The following IQGAP1 variants were observed in gnomAD, a reference collection of about 807,000 sequenced individuals.
IQGAP1 encodes the protein ras GTPase-activating-like protein IQGAP1.
In IQGAP1, 66 loss-of-function variants were observed where a neutral mutation model predicts 215.6. That is an observed-to-expected ratio of 0.31 (90% confidence interval 0.25 to 0.38). The LOEUF (loss-of-function observed/expected upper bound fraction) is 0.38, where lower values mean the gene tolerates loss of function less well. Ranked by LOEUF, IQGAP1 falls within the 10% of genes least tolerant of loss-of-function variation. The probability of loss-of-function intolerance (pLI) is 1.00; values close to 1 mark genes in which losing one functional copy is unlikely to be tolerated. For missense variants in IQGAP1, 1,712 were observed against 1,997.1 expected (o/e 0.86, Z 2.72); for synonymous variants, 772 against 728.7 (o/e 1.06, Z -0.96).
intron 14 of IQGAP1, among the ~76,000 whole-genome samples, chr15:90,455,137 A>T (rs373002301): frequency 5.3e-5 from 8 of 152,302 alleles, no homozygotes; most frequent in African/African-American, 1.9e-4. Flanking sequence ...TGTTCTCAGG[A>T]TGTGTCACTC....
At chr15:90,483,664 T>C in intron 29 of IQGAP1, 71 bp downstream of exon 29, 1 of 1,125,404 alleles carries the variant, frequency 8.9e-7, no homozygotes, top group Non-Finnish European at 1.3e-6. Context: ...AAAAATAAGA[T>C]TAAAAACCAC....
At chr15:90,436,949 T>C (rs930644503) in intron 5 of IQGAP1, among the ~76,000 whole-genome samples, 11 of 152,226 alleles carry the variant, frequency 7.2e-5, no homozygotes, top group African/African-American at 2.7e-4. Flanking sequence ...AAGTCAGTGT[T>C]CCTGGTACTG....
At chr15:90,425,225 G>C (rs961498945) in intron 2 of IQGAP1, among the ~76,000 whole-genome samples, 1 of 152,066 alleles carries the variant, frequency 6.6e-6, no homozygotes, top group Non-Finnish European at 1.5e-5. Context: ...CAGGAGAATT[G>C]CTTGAACCCG....
At chr15:90,398,765 G>T (rs553876422) in intron 2 of IQGAP1, among the ~76,000 whole-genome samples, 1 of 152,136 alleles carries the variant, frequency 6.6e-6, no homozygotes, top group Non-Finnish European at 1.5e-5. Flanking sequence ...CACTTTGGGA[G>T]GCCAAGGCAG....
chr15:90,391,055 G>C, intron 2 of IQGAP1, 182 bp downstream of exon 2: 1 of 512,396 alleles, frequency 2.0e-6, no homozygotes, highest in South Asian at 2.2e-5. Context: ...GGGCAACATA[G>C]TGACACCCCA....
chr15:90,491,301 A>T (rs904804696), intron 33 of IQGAP1, 32 bp from the exon 34 acceptor site: 1 of 1,584,734 alleles, frequency 6.3e-7, no homozygotes, highest in African/African-American at 1.3e-5. Context: ...AGTGTGGTAA[A>T]CTTGCTAAGA....
At chr15:90,443,210 C>G (rs947138291) in intron 8 of IQGAP1, among the ~76,000 whole-genome samples, 184 bp from the exon 9 acceptor site, 11 of 152,200 alleles carry the variant, frequency 7.2e-5, no homozygotes, top group African/African-American at 1.4e-4. Context: ...ATCTTCCCAC[C>G]TTGGCCTTCC....
Position 90,500,438 on chromosome 15 carries a change from T to C in IQGAP1, c.*330T>C. The stretch of plus-strand genomic sequence containing the variant: ...AGTACTATATTGTAAGCTTTGGTGT[T>C]TGTTTAATTAGCAATAGGGATGGTA... On this transcript the variant is annotated 3_prime_UTR_variant, in exon 38 of 38. Transcript: ENST00000268182. 5.0e-6 allele frequency: 1 copy of C among 198,680 alleles called. No individual in the cohort carries two copies. The highest frequency in any genetic ancestry group is 1.0e-5 in the Non-Finnish European group (1 of 95,462). 12.3% of individuals were successfully genotyped at this position (198,680 alleles called of 1,614,324 possible).
chr15:90,442,281 A>C (rs1965461941), intron 8 of IQGAP1, among the ~76,000 whole-genome samples: 1 of 151,994 alleles, frequency 6.6e-6, no homozygotes, highest in Non-Finnish European at 1.5e-5. Context: ...ACATGGCGAA[A>C]TCCCATCTAT....
intron 2 of IQGAP1, among the ~76,000 whole-genome samples, chr15:90,396,933 A>G (rs1040951529): frequency 2.2e-4 from 34 of 152,082 alleles, no homozygotes; most frequent in African/African-American, 7.2e-4. Context: ...GCTCACCACA[A>G]CCTCTGCCTC....
chr15:90,396,273 C>T (rs1262591131), intron 2 of IQGAP1, among the ~76,000 whole-genome samples: 2 of 152,176 alleles, frequency 1.3e-5, no homozygotes, highest in Non-Finnish European at 2.9e-5. Flanking sequence ...TATGTCCAGG[C>T]TGGCACCCTG....
intron 17 of IQGAP1, 126 bp from the exon 18 acceptor site, chr15:90,467,324 C>G (rs1169547487): frequency 2.3e-6 from 2 of 885,544 alleles, no homozygotes; most frequent in African/African-American, 3.5e-5. Context: ...CTCACAGATC[C>G]AAGGAGCAGC....
intron 2 of IQGAP1, among the ~76,000 whole-genome samples, chr15:90,395,250 C>T (rs555512159): frequency 6.6e-6 from 1 of 152,090 alleles, no homozygotes; most frequent in African/African-American, 2.4e-5. Context: ...TAAATTGAAG[C>T]TTATTTTTAT....
chr15:90,499,103 A>G (rs1225491748), intron 37 of IQGAP1, among the ~76,000 whole-genome samples: 6 of 151,974 alleles, frequency 3.9e-5, no homozygotes, highest in Non-Finnish European at 8.8e-5. Flanking sequence ...GGCGTGAGCC[A>G]CCACACCCGG....
chr15:90,443,232 A>G (rs1965477663), intron 8 of IQGAP1, among the ~76,000 whole-genome samples, 162 bp from the exon 9 acceptor site: 1 of 152,162 alleles, frequency 6.6e-6, no homozygotes, highest in Admixed American at 6.5e-5. Context: ...AAGCACTGGG[A>G]TTACAGGCAT....
At chr15:90,408,164 A>G (rs183273458) in intron 2 of IQGAP1, among the ~76,000 whole-genome samples, 152 of 152,280 alleles carry the variant, frequency 1.0e-3, no homozygotes, top group African/African-American at 3.5e-3. Flanking sequence ...CTGGTACCCA[A>G]TGGCACCTCT....
chr15:90,436,314 G>T (rs752890567), intron 5 of IQGAP1, among the ~76,000 whole-genome samples: 2 of 152,090 alleles, frequency 1.3e-5, no homozygotes, highest in South Asian at 2.1e-4. Flanking sequence ...GCTTGCTGGG[G>T]ATACTTTATG....
chr15:90,421,647 A>G (rs147143107), intron 2 of IQGAP1, among the ~76,000 whole-genome samples: 61 of 152,344 alleles, frequency 4.0e-4, no homozygotes, highest in African/African-American at 1.3e-3. Flanking sequence ...TGGTCAGACC[A>G]TACTTGGAAC....
chr15:90,425,647 C>G (rs1266569147), intron 2 of IQGAP1, among the ~76,000 whole-genome samples: 1 of 152,172 alleles, frequency 6.6e-6, no homozygotes, highest in African/African-American at 2.4e-5. Flanking sequence ...AACCCCCAAG[C>G]AACCTTAAAA....
Sources: allele counts gnomAD v4.1 joint callset (sites outside exome capture counted in the v4.1 genomes callset), GRCh38; gene constraint gnomAD v4.1.1; transcripts MANE v1.5; gene names NCBI Gene and HGNC (gene_info 2026-07-23, HGNC 2026-07-21).